Variants in OCSTAMP observed in about 807,000 individuals in gnomAD.
The protein encoded by OCSTAMP is osteoclast stimulatory transmembrane protein.
In OCSTAMP, 17 loss-of-function variants were observed where a neutral mutation model predicts 25.2. The observed-to-expected ratio is 0.68, with a 90% CI of 0.46 to 1.01. The LOEUF (loss-of-function observed/expected upper bound fraction) is 1.01. Ranked by LOEUF, OCSTAMP falls within the 50% of genes least tolerant of loss-of-function variation. The pLI is 0.00. For synonymous variants in OCSTAMP, 345 were observed against 318.9 expected (o/e 1.08, Z -0.87); for missense variants, 664 against 694.6 (o/e 0.96, Z 0.50).
chr20:46,545,572 C>T lies in OCSTAMP; in HGVS notation c.802G>A (p.Ala268Thr). The T allele has an allele frequency of 6.4e-7, 1 of 1,551,630 alleles. No homozygotes were observed. Among genetic ancestry groups the T allele is most frequent in the Non-Finnish European group, 8.7e-7 (1 of 1,146,972 alleles). The change falls in exon 2 of 3, where the codon GCA becomes ACA. Residue 268 changes from alanine (A) to threonine (T), a missense_variant. By Grantham distance (58) the Ala-to-Thr change is moderately conservative (BLOSUM62 0). Transcript: ENST00000279028. Reference sequence around the variant, plus strand: ...AGGAGGTGTGTAGCCTGGGCCTGTGCCAACCGCTGGGTCAGCTGTTGAGTG... The same window carrying T: ...AGGAGGTGTGTAGCCTGGGCCTGTGTCAACCGCTGGGTCAGCTGTTGAGTG... ...YATQQLTQRL[A>T]QAQATHLLAP...
In OCSTAMP at chr20:46,546,284, C is replaced by T; in HGVS notation, c.90G>A (p.Leu30=). Residue 30 remains leucine (L), a synonymous_variant, in exon 2 of 3, where the codon CTG becomes CTA. Coordinates refer to ENST00000279028, the MANE Select transcript of OCSTAMP (RefSeq NM_080721.3). The part of the protein sequence containing the change: ...HLGFWKALAP[L]QAAWDAFSQP... ...GGGAGAAGGCGTCCCAGGCAGCCTG[C>T]AGTGGGGCAAGGGCCTTCCAGAACC... 6.5e-7 allele frequency: 1 copy of T among 1,550,238 alleles called. No individual in the cohort carries two copies. The highest frequency in any genetic ancestry group is 2.0e-4 in the Middle Eastern group (1 of 5,102).
At chr20:46,549,898 TAAG>T (rs1319341601) in intron 1 of OCSTAMP, among the ~76,000 whole-genome samples, 4 of 151,052 alleles carry the variant, frequency 2.6e-5, no homozygotes, top group African/African-American at 9.7e-5. Context: ...TCTTGAGAGA[TAAG>T]AAGATCTGGG....
intron 2 of OCSTAMP, among the ~76,000 whole-genome samples, chr20:46,542,574 C>A (rs375220761): frequency 2.3e-3 from 227 of 100,316 alleles, no homozygotes; most frequent in South Asian, 2.6e-3. Flanking sequence ...GACTCTGTCT[C>A]AAAAAAAAAA....
In OCSTAMP at chr20:46,541,559, G is replaced by C. The variant is rs563958552; in HGVS notation, c.1416C>G (p.Pro472=). ...ATGCCGGAGGCTTGCAGGCAGGTCT[G>C]GGTGTGGGGACGCAAGAAGGATCCC... ...PLGDPSCVPT[P]RPACKPPAWI... Residue 472 remains proline, a synonymous_variant, in exon 3 of 3, where the codon CCC becomes CCG. Transcript: ENST00000279028. 52 of 1,551,758 alleles carry C rather than the reference G, an allele frequency of 3.4e-5. No individual in the cohort carries two copies. In the East Asian group the frequency reaches 1.2e-3, roughly 37 times the overall value.
In OCSTAMP at chr20:46,548,065, G is replaced by A. The variant is rs116240458; in HGVS notation, c.45-1736C>T. Among the ~76,000 whole-genome samples, 527 of 152,262 alleles carry A rather than the reference G, an allele frequency of 3.5e-3. 2 individuals are homozygous for A. Among genetic ancestry groups the A allele is most frequent in the African/African-American group, 0.012 (498 of 41,542 alleles). On this transcript the variant is annotated intron_variant, in intron 1 of 2. Coordinates refer to ENST00000279028, the MANE Select transcript of OCSTAMP (RefSeq NM_080721.3). ...AGATGATGGCGAATGAACAGGCAGC[G>A]TGTATGCACCTGTGAAAAGTATCCT...
chr20:46,545,569 G>T lies in OCSTAMP; in HGVS notation c.805C>A (p.Gln269Lys). 1.3e-6 allele frequency: 2 copies of T among 1,551,718 alleles called. No individual in the cohort carries two copies. Among genetic ancestry groups the T allele is most frequent in the Non-Finnish European group, 1.7e-6 (2 of 1,146,998 alleles). The change falls in exon 2 of 3, where the codon CAG becomes AAG. Residue 269 changes from glutamine (Q) to lysine (K), a missense_variant. Coordinates refer to ENST00000279028, the MANE Select transcript of OCSTAMP (RefSeq NM_080721.3). ...GCCAGGAGGTGTGTAGCCTGGGCCT[G>T]TGCCAACCGCTGGGTCAGCTGTTGA... ...ATQQLTQRLA[Q>K]AQATHLLAPP...
At chr20:46,543,273 CTCTCTT>C (rs1340215388) in intron 2 of OCSTAMP, among the ~76,000 whole-genome samples, 1 of 136,922 alleles carries the variant, frequency 7.3e-6, no homozygotes, top group African/African-American at 2.7e-5. Flanking sequence ...TCTTTTCTTT[CTCTCTT>C]TCTCTTTCTT....
rs755432916 is a variant in OCSTAMP, at chr20:46,541,840, G to T, written c.1135C>A (p.Gln379Lys). ...GCGGAGGTGAGGCGGAGCTCCCATT[G>T]GTAGGAGCTGTGGACGGAGAGGAAG... ...SPFLSVHSSY[Q>K]WELRLTSARC... The change falls in exon 3 of 3, where the codon CAA becomes AAA. Residue 379 changes from glutamine to lysine, a missense_variant. Coordinates refer to ENST00000279028, the MANE Select transcript of OCSTAMP (RefSeq NM_080721.3). The T allele has an allele frequency of 3.5e-5, 51 of 1,475,398 alleles. No homozygotes were observed. In the South Asian group the frequency reaches 6.7e-4, roughly 19 times the overall value. 91.4% of individuals were successfully genotyped at this position (1,475,398 alleles called of 1,614,324 possible).
chr20:46,541,895 G>GA lies in OCSTAMP; in HGVS notation c.1079dup (p.Leu361ProfsTer135). 6.8e-7 allele frequency: 1 copy of GA among 1,461,608 alleles called. No individual in the cohort carries two copies. The highest frequency in any genetic ancestry group is 9.0e-7 in the Non-Finnish European group (1 of 1,110,808). The allele number at this position is 1,461,608 out of a possible 1,614,324, so 90.5% of individuals were successfully genotyped here. A position where few individuals can be genotyped will look rare whatever the true frequency, so the allele number is the denominator to read the frequency against. On this transcript the variant is annotated frameshift_variant, in exon 3 of 3. Coordinates refer to ENST00000279028, the MANE Select transcript of OCSTAMP (RefSeq NM_080721.3). LOFTEE classifies it low-confidence loss of function (END_TRUNC). ...TCTCCGGAGCCAGCTGGTTGAAGAG[G>GA]AAAGGGATGAAGCCCAGGACAGTGT... is the stretch of plus-strand genomic sequence containing the variant.
At position 46,545,509 on chromosome 20, in the gene OCSTAMP, G is replaced by T. The variant is rs1476602530; in HGVS notation, c.865C>A (p.Leu289Met). 1 of 1,551,406 alleles carries T rather than the reference G, an allele frequency of 6.4e-7. No homozygotes were observed. Among genetic ancestry groups the T allele is most frequent in the African/African-American group, 1.4e-5 (1 of 73,060 alleles). Residue 289 changes from leucine to methionine, a missense_variant, in exon 2 of 3, where the codon CTG becomes ATG. Leu to Met is a conservative substitution (Grantham distance 15). Coordinates refer to ENST00000279028, the MANE Select transcript of OCSTAMP (RefSeq NM_080721.3). ...PPTWLLQAAQ[L>M]RLSQEELLSC... ...AACAGCTCCTCCTGTGACAGCCTCA[G>T]CTGAGCCGCCTGGAGCAGCCAGGTG...
intron 2 of OCSTAMP, among the ~76,000 whole-genome samples, chr20:46,543,874 C>T (rs1336483730): frequency 1.3e-5 from 2 of 152,108 alleles, no homozygotes; most frequent in Non-Finnish European, 2.9e-5. Flanking sequence ...ATGCTTAGAA[C>T]ATTGCCTGAC....
chr20:46,544,145 G>A (rs3092001), intron 2 of OCSTAMP, among the ~76,000 whole-genome samples: 401 of 152,334 alleles, frequency 2.6e-3, no homozygotes, highest in African/African-American at 9.4e-3. Flanking sequence ...GTTTGAGCCA[G>A]GAGGTCAAGG....
Position 46,541,156 on chromosome 20 carries a change from C to T in OCSTAMP, c.*118G>A. 1.6e-6 allele frequency: 1 copy of T among 622,206 alleles called. No individual in the cohort carries two copies. The allele number at this position is 622,206 out of a possible 1,614,324, so 38.5% of individuals were successfully genotyped here. A position where few individuals can be genotyped will look rare whatever the true frequency, so the allele number is the denominator to read the frequency against. On this transcript the variant is annotated 3_prime_UTR_variant, in exon 3 of 3. Coordinates refer to ENST00000279028, the MANE Select transcript of OCSTAMP (RefSeq NM_080721.3). ...TCGAGAAATTCATGATGCAAGGTCT[C>T]CATCTAACAAGTAGAGCAGTTGGTG...
In OCSTAMP at chr20:46,541,236, G is replaced by T; in HGVS notation, c.*38C>A. On this transcript the variant is annotated 3_prime_UTR_variant, in exon 3 of 3. Coordinates refer to ENST00000279028, the MANE Select transcript of OCSTAMP (RefSeq NM_080721.3). ...CCTGGAGGAACCATGAGCTCTCTCT[G>T]CACTCCTTGTCTTCGCCTTTGCATG... 2 of 702,766 alleles carry T rather than the reference G, an allele frequency of 2.8e-6. No homozygotes were observed. Among genetic ancestry groups the T allele is most frequent in the Non-Finnish European group, 5.3e-6 (2 of 375,762 alleles). The allele number at this position is 702,766 out of a possible 1,614,324, so 43.5% of individuals were successfully genotyped here.
intron 2 of OCSTAMP, among the ~76,000 whole-genome samples, chr20:46,543,342 C>CTT (rs59744231): frequency 1.2e-4 from 13 of 106,954 alleles, no homozygotes; most frequent in African/African-American, 2.5e-4. Flanking sequence ...TCGTTTCTTC[C>CTT]TTTTTTTTTT....
At chr20:46,550,482 C>T in intron 1 of OCSTAMP, 35 bp downstream of exon 1, 1 of 1,544,552 alleles carries the variant, frequency 6.5e-7, no homozygotes, top group African/African-American at 1.4e-5. Flanking sequence ...GTTTTCTCAC[C>T]TGTAGCCCTC....
chr20:46,545,782 G>T lies in OCSTAMP; in HGVS notation c.592C>A (p.Leu198Ile). ...TGCTGAGTGACCCTGAGCATGTGAA[G>T]GTAGAAGGCAGAGCCATTGTCCTGG... ...EAQDNGSAFY[L>I]HMLRVTQQVL... Residue 198 changes from leucine (L) to isoleucine (I), a missense_variant, in exon 2 of 3, where the codon CTT (leucine) becomes ATT (isoleucine). Coordinates refer to ENST00000279028, the MANE Select transcript of OCSTAMP (RefSeq NM_080721.3). 1 of 1,551,510 alleles carries T rather than the reference G, an allele frequency of 6.4e-7. No homozygotes were observed. Among genetic ancestry groups the T allele is most frequent in the Non-Finnish European group, 8.7e-7 (1 of 1,147,002 alleles).
chr20:46,546,871 A>G (rs531359110), intron 1 of OCSTAMP, among the ~76,000 whole-genome samples: 3 of 152,310 alleles, frequency 2.0e-5, no homozygotes, highest in South Asian at 4.1e-4. Flanking sequence ...TATCATCCTT[A>G]TATTTATTCA....
chr20:46,543,202 CCTT>C (rs2061839937), intron 2 of OCSTAMP, among the ~76,000 whole-genome samples: 1 of 151,542 alleles, frequency 6.6e-6, no homozygotes, highest in South Asian at 2.1e-4. Flanking sequence ...CTCATTCCTT[CCTT>C]TTTTCTTTCT....
Sources: allele counts gnomAD v4.1 joint callset (sites outside exome capture counted in the v4.1 genomes callset), GRCh38; gene constraint gnomAD v4.1.1; transcripts MANE v1.5; gene names NCBI Gene and HGNC (gene_info 2026-07-23, HGNC 2026-07-21).